The following EPB41L1 variants were observed in gnomAD, a reference collection of about 807,000 sequenced individuals.
EPB41L1 encodes the protein band 4.1-like protein 1.
In EPB41L1, 29 loss-of-function variants were observed where a neutral mutation model predicts 97.8. That is an observed-to-expected ratio of 0.30 (90% confidence interval 0.22 to 0.40). EPB41L1 has a LOEUF of 0.40. Ranked by LOEUF, EPB41L1 falls within the 10% of genes least tolerant of loss-of-function variation. EPB41L1 has a pLI of 1.00. For synonymous variants in EPB41L1, 383 were observed against 459.2 expected (o/e 0.83, Z 2.12); for missense variants, 812 against 1,162.3 (o/e 0.70, Z 4.38).
intron 1 of EPB41L1, among the ~76,000 whole-genome samples, chr20:36,157,963 C>T (rs1447151608): frequency 1.3e-5 from 2 of 152,208 alleles, no homozygotes; most frequent in Admixed American, 1.3e-4. Context: ...TAACAGCTAA[C>T]ATTTATTGAG....
intron 7 of EPB41L1, among the ~76,000 whole-genome samples, chr20:36,186,414 G>C (rs937792487): frequency 2.6e-5 from 4 of 152,144 alleles, no homozygotes; most frequent in Non-Finnish European, 5.9e-5. Context: ...GGTTCTGTGG[G>C]CGTTATCTGG....
chr20:36,173,189 C>T (rs562214681), intron 1 of EPB41L1, among the ~76,000 whole-genome samples: 102 of 152,284 alleles, frequency 6.7e-4, no homozygotes, highest in Non-Finnish European at 6.0e-4. Flanking sequence ...CAAGCCTGCG[C>T]GTTTTTTTGT....
At chr20:36,181,957 G>A (rs1266992916) in intron 5 of EPB41L1, among the ~76,000 whole-genome samples, 1 of 152,126 alleles carries the variant, frequency 6.6e-6, no homozygotes, top group Non-Finnish European at 1.5e-5. Context: ...GCTAATCATA[G>A]GACTTACTCA....
rs1216734573 is a variant in EPB41L1, at chr20:36,194,385, C to G, written c.1449+25C>G. On this transcript the variant is annotated intron_variant, in intron 12 of 21. Coordinates refer to ENST00000338074, the MANE Select transcript of EPB41L1 (RefSeq NM_012156.2). Reference sequence around the variant, plus strand: ...GGTAGGAGCCTGGCTTTCTCATACTCTCTGCCCTGGGGATCAGGAGGCTGA... The same window carrying G: ...GGTAGGAGCCTGGCTTTCTCATACTGTCTGCCCTGGGGATCAGGAGGCTGA... 5.7e-6 allele frequency: 9 copies of G among 1,583,874 alleles called. No individual in the cohort carries two copies. The Admixed American group carries it at 7.3e-5, about 13-fold the overall frequency.
At chr20:36,158,924 G>C (rs1385710743) in intron 1 of EPB41L1, among the ~76,000 whole-genome samples, 1 of 152,244 alleles carries the variant, frequency 6.6e-6, no homozygotes, top group Non-Finnish European at 1.5e-5. Flanking sequence ...ATTTTAGTCT[G>C]CTGAGGAGCA....
intron 5 of EPB41L1, among the ~76,000 whole-genome samples, chr20:36,179,435 G>T (rs927645710): frequency 1.3e-5 from 2 of 152,278 alleles, no homozygotes; most frequent in Admixed American, 1.3e-4. Context: ...GGCTGAGCCA[G>T]GTCTTGAGGC....
intron 2 of EPB41L1, among the ~76,000 whole-genome samples, chr20:36,143,225 C>T (rs868530324): frequency 6.6e-6 from 1 of 150,768 alleles, no homozygotes; most frequent in East Asian, 2.0e-4. Flanking sequence ...ATTGGTTGAC[C>T]TCTGAGCCAG....
intron 21 of EPB41L1, among the ~76,000 whole-genome samples, chr20:36,226,883 T>G (rs1332461574): frequency 6.6e-6 from 1 of 152,144 alleles, no homozygotes; most frequent in Admixed American, 6.5e-5. Context: ...GCCACTTCAT[T>G]AATTGATGCA....
intron 5 of EPB41L1, among the ~76,000 whole-genome samples, chr20:36,181,344 A>AC (rs2061465318): frequency 6.6e-6 from 1 of 151,786 alleles, no homozygotes. Context: ...TCAAGTGACC[A>AC]CCCCTTCTCT....
At chr20:36,187,620 C>G (rs1414956995) in intron 7 of EPB41L1, 56 bp from the exon 8 acceptor site, 7 of 1,446,812 alleles carry the variant, frequency 4.8e-6, no homozygotes, top group Admixed American at 1.7e-5. Context: ...CTTTGGACAG[C>G]AGGACTAAAC....
chr20:36,209,658 G>A lies in EPB41L1; in HGVS notation c.1839G>A (p.Thr613=), dbSNP rs772989052. The change falls in exon 15 of 22, where the codon ACG becomes ACA. Residue 613 remains threonine (T), a synonymous_variant. Coordinates refer to ENST00000338074, the MANE Select transcript of EPB41L1 (RefSeq NM_012156.2). This position sits in a 1 kb window ranked among gnomAD's most constrained non-coding sequence, Gnocchi z 4.2. ...RKCSSITVSS[T]SSLEAEVDFT... is the part of the protein sequence containing the mutation. Reference sequence around the variant, plus strand: ...GCTCCAGCATCACGGTCAGCTCTACGTCTAGCCTGGAGGCTGAGGTGGACT... The same window carrying A: ...GCTCCAGCATCACGGTCAGCTCTACATCTAGCCTGGAGGCTGAGGTGGACT... 11 of 1,614,048 alleles carry A rather than the reference G, an allele frequency of 6.8e-6. No individual in the cohort carries two copies. The highest frequency in any genetic ancestry group is 1.6e-4 in the Middle Eastern group (1 of 6,084).
At chr20:36,196,873 C>T (rs1345057158) in intron 13 of EPB41L1, among the ~76,000 whole-genome samples, 1 of 152,248 alleles carries the variant, frequency 6.6e-6, no homozygotes, top group African/African-American at 2.4e-5. Context: ...AGCTCCTGCA[C>T]AAAGCTCGTC....
At chr20:36,129,201 C>T (rs540272556) in intron 2 of EPB41L1, among the ~76,000 whole-genome samples, 1 of 152,204 alleles carries the variant, frequency 6.6e-6, no homozygotes, top group Admixed American at 6.5e-5. Flanking sequence ...TGTGGAAACA[C>T]AGGTGGTAGA....
At chr20:36,184,955 T>C (rs1236183747) in intron 6 of EPB41L1, among the ~76,000 whole-genome samples, 162 bp from the exon 7 acceptor site, 1 of 152,244 alleles carries the variant, frequency 6.6e-6, no homozygotes, top group South Asian at 2.1e-4. Flanking sequence ...TGCAAAACCA[T>C]CTCATGAGAC....
intron 1 of EPB41L1, among the ~76,000 whole-genome samples, chr20:36,165,202 G>C (rs1005551335): frequency 5.3e-5 from 8 of 151,452 alleles, no homozygotes; most frequent in Admixed American, 2.0e-4. Context: ...GGTTGGTCTT[G>C]AACTCCTGGC....
chr20:36,124,231 G>A (rs1215085023), intron 2 of EPB41L1, among the ~76,000 whole-genome samples: 1 of 152,058 alleles, frequency 6.6e-6, no homozygotes, highest in African/African-American at 2.4e-5. Context: ...CTCCAGCCTG[G>A]GCGACAGAGT....
At position 36,232,430 on chromosome 20, in the gene EPB41L1, C is replaced by T. The variant is rs552629155; in HGVS notation, c.*3090C>T. The T allele has an allele frequency of 7.6e-6, 3 of 394,000 alleles. No individual in the cohort carries two copies. The highest frequency in any genetic ancestry group is 2.1e-5 in the African/African-American group (1 of 48,542). The allele number at this position is 394,000 out of a possible 1,614,324, so 24.4% of individuals were successfully genotyped here. ...CGACTTGCAAAATAAGCAGAAAGAA[C>T]CAGATGCTCTCCAGGGTCTTTTTCT... On this transcript the variant is annotated 3_prime_UTR_variant, in exon 22 of 22. Coordinates refer to ENST00000338074, the MANE Select transcript of EPB41L1 (RefSeq NM_012156.2).
chr20:36,203,814 G>C (rs1412927523), intron 14 of EPB41L1, among the ~76,000 whole-genome samples: 5 of 152,144 alleles, frequency 3.3e-5, no homozygotes, highest in African/African-American at 1.2e-4. Context: ...TATTTTAATG[G>C]GTTCTGATTC....
At chr20:36,177,372 A>G (rs950508851) in intron 3 of EPB41L1, among the ~76,000 whole-genome samples, 4 of 152,112 alleles carry the variant, frequency 2.6e-5, no homozygotes, top group Non-Finnish European at 5.9e-5. Flanking sequence ...GGCCCTAACA[A>G]TGGTACTTCC....
Sources: allele counts gnomAD v4.1 joint callset (sites outside exome capture counted in the v4.1 genomes callset), GRCh38; gene constraint gnomAD v4.1.1; non-coding constraint Gnocchi (gnomAD v3.1); transcripts MANE v1.5; gene names NCBI Gene and HGNC (gene_info 2026-07-23, HGNC 2026-07-21).